TMEM132E: variants seen among roughly 807,000 people sequenced by gnomAD.
The protein encoded by TMEM132E is transmembrane protein 132E.
Under a neutral mutation model 78.5 loss-of-function variants are expected in TMEM132E, and 49 were observed. The ratio of observed to expected loss-of-function variants is 0.62; its 90% CI spans 0.50 to 0.79. The LOEUF is 0.79. Ranked by LOEUF, TMEM132E falls within the 30% of genes least tolerant of loss-of-function variation. TMEM132E has a pLI of 0.00. For missense variants in TMEM132E, 1,403 were observed against 1,470.9 expected, an observed-to-expected ratio of 0.95 and a Z score of 0.75; for synonymous variants, 715 against 670.6, an observed-to-expected ratio of 1.07 and a Z score of -1.02.
Position 34,632,900 on chromosome 17 carries a change from C to A in TMEM132E, c.1679C>A (p.Pro560His). The A allele has an allele frequency of 6.2e-7, 1 of 1,614,066 alleles. No homozygotes were observed. The highest frequency in any genetic ancestry group is 1.1e-5 in the South Asian group (1 of 91,074). ...QVKGWRVPIL[P>H]DRRSVRESED... Reference sequence around the variant, plus strand: ...AAGGGCTGGAGGGTACCTATCCTCCCCGACCGGAGGTACAGCCCCTCTCCC... The same window carrying A: ...AAGGGCTGGAGGGTACCTATCCTCCACGACCGGAGGTACAGCCCCTCTCCC... Residue 560 changes from proline (P) to histidine (H), a missense_variant, in exon 6 of 9, where the codon CCC (proline) becomes CAC (histidine). Around this residue, in one of 3 missense-constraint regions of TMEM132E, gnomAD observed 888 missense variants for 952.8 expected, o/e 0.93. Transcript: ENST00000631683.
At chr17:34,604,848 C>A (rs1906360939) in intron 1 of TMEM132E, among the ~76,000 whole-genome samples, 1 of 152,240 alleles carries the variant, frequency 6.6e-6, no homozygotes, top group Middle Eastern at 3.2e-3. Context: ...GCATTTCCTC[C>A]TCACGACAGC....
intron 1 of TMEM132E, among the ~76,000 whole-genome samples, chr17:34,582,591 A>G (rs1905532272): frequency 6.6e-6 from 1 of 150,666 alleles, no homozygotes; most frequent in Non-Finnish European, 1.5e-5. Context: ...CAGAGCAGCG[A>G]GCCAGCAGGG....
At chr17:34,612,823 T>C (rs1228600162) in intron 1 of TMEM132E, among the ~76,000 whole-genome samples, 1 of 150,850 alleles carries the variant, frequency 6.6e-6, no homozygotes, top group Non-Finnish European at 1.5e-5. Flanking sequence ...CTGTGTGTTT[T>C]GGGGAAGCCT....
chr17:34,634,182 T>G (rs1907442355), intron 6 of TMEM132E, among the ~76,000 whole-genome samples: 2 of 152,216 alleles, frequency 1.3e-5, no homozygotes, highest in African/African-American at 4.8e-5. Flanking sequence ...ACCTCTCAAT[T>G]TTAGCATTTT....
chr17:34,629,124 G>A lies in TMEM132E; in HGVS notation c.1258G>A (p.Ala420Thr), dbSNP rs200525802. ...MWHIDYRGHGALPDLERAVTE... is the reference protein window; with the variant it reads ...MWHIDYRGHGTLPDLERAVTE... ...GCACATTGACTACCGTGGCCACGGC[G>A]CCCTGCCTGACCTGGAGCGGGCAGT... Residue 420 changes from alanine to threonine, a missense_variant, in exon 4 of 9, where the codon GCC (alanine) becomes ACC (threonine). Ala to Thr is a moderately conservative substitution (Grantham distance 58). Coordinates refer to ENST00000631683, the MANE Select transcript of TMEM132E (RefSeq NM_001304438.2). 5.1e-5 allele frequency: 82 copies of A among 1,613,726 alleles called. No homozygotes were observed. The highest frequency in any genetic ancestry group is 2.0e-4 in the South Asian group (18 of 91,028).
chr17:34,594,005 C>A (rs1046469675), intron 1 of TMEM132E, among the ~76,000 whole-genome samples: 1 of 152,184 alleles, frequency 6.6e-6, no homozygotes, highest in African/African-American at 2.4e-5. Context: ...ACGATTCCCG[C>A]CTCTTACCTC....
intron 1 of TMEM132E, among the ~76,000 whole-genome samples, chr17:34,602,346 G>A (rs1251734279): frequency 6.6e-6 from 1 of 152,222 alleles, no homozygotes; most frequent in African/African-American, 2.4e-5. Flanking sequence ...CTGACACAAG[G>A]CTCTGTCCAT....
chr17:34,581,813 T>C (rs1367967918), intron 1 of TMEM132E, among the ~76,000 whole-genome samples: 3 of 149,994 alleles, frequency 2.0e-5, no homozygotes, highest in African/African-American at 7.4e-5. Flanking sequence ...CATTCTGCAA[T>C]CTGTTGCGTC....
At position 34,597,356 on chromosome 17, in the gene TMEM132E, A is replaced by C. The variant is rs564066709; in HGVS notation, c.67+16213A>C. Among the ~76,000 whole-genome samples, 6 of 152,132 alleles carry C rather than the reference A, an allele frequency of 3.9e-5. No homozygotes were observed. In the South Asian group the frequency reaches 1.0e-3, roughly 26 times the overall value. On this transcript the variant is annotated intron_variant, in intron 1 of 8. Transcript: ENST00000631683. ...GTCTAGCTTTCCTTGTTCTGCATCC[A>C]GCTCCTTTATAGAGCCTCATTTATT...
rs1407520928 is a variant in TMEM132E, at chr17:34,580,248, T to C, written c.-829T>C. 2 of 152,276 alleles carry C rather than the reference T, an allele frequency of 1.3e-5. No homozygotes were observed. Among genetic ancestry groups the C allele is most frequent in the East Asian group, 1.9e-4 (1 of 5,168 alleles). The allele number at this position is 152,276 out of a possible 1,614,324, so 9.4% of individuals were successfully genotyped here. Reference sequence around the variant, plus strand: ...CTCCCTCGCTTCTCCAAGCCCCATCTACATGGGGCAGCCCGTTCTGGCCGC... The same window carrying C: ...CTCCCTCGCTTCTCCAAGCCCCATCCACATGGGGCAGCCCGTTCTGGCCGC... On this transcript the variant is annotated 5_prime_UTR_variant, in exon 1 of 9. Transcript: ENST00000631683.
chr17:34,635,434 CA>C (rs1248093093), intron 7 of TMEM132E, among the ~76,000 whole-genome samples: 1 of 152,144 alleles, frequency 6.6e-6, no homozygotes, highest in Non-Finnish European at 1.5e-5. Context: ...TCTACCCTGA[CA>C]ATTGGGTGTC....
In TMEM132E at chr17:34,637,419, G is replaced by C. The variant is rs756928203; in HGVS notation, c.2412G>C (p.Thr804=). The C allele has an allele frequency of 2.5e-6, 4 of 1,613,582 alleles. No individual in the cohort carries two copies. The highest frequency in any genetic ancestry group is 3.4e-6 in the Non-Finnish European group (4 of 1,180,030). The change falls in exon 9 of 9, where the codon ACG becomes ACC. Residue 804 remains threonine (T), a synonymous_variant. Coordinates refer to ENST00000631683, the MANE Select transcript of TMEM132E (RefSeq NM_001304438.2). ...QKTKRKSVLA[T]TPVGLRVHFG... is the part of the protein sequence containing the mutation. ...CCAAACGCAAGAGTGTGCTCGCCAC[G>C]ACCCCTGTGGGCCTGCGGGTGCACT...
Position 34,638,172 on chromosome 17 carries a change from G to A in TMEM132E, c.3165G>A (p.Thr1055=). The change falls in exon 9 of 9, where the codon ACG becomes ACA. Residue 1055 remains threonine, a synonymous_variant. Coordinates refer to ENST00000631683, the MANE Select transcript of TMEM132E (RefSeq NM_001304438.2). ...GCTGCCCGGATGTGGCGGGCCCCAC[G>A]CGGCCCACTGCACCCCCGGACCTGC... ...GWGCPDVAGP[T]RPTAPPDLHN... is the part of the protein sequence containing the mutation. The A allele has an allele frequency of 6.2e-7, 1 of 1,602,638 alleles. No individual in the cohort carries two copies. Among genetic ancestry groups the A allele is most frequent in the Non-Finnish European group, 8.5e-7 (1 of 1,175,756 alleles).
chr17:34,632,218 G>A (rs562902882), intron 5 of TMEM132E, among the ~76,000 whole-genome samples: 11 of 152,316 alleles, frequency 7.2e-5, no homozygotes, highest in South Asian at 2.1e-4. Context: ...CAGAGAGGCC[G>A]TGGAGGACAT....
At position 34,626,704 on chromosome 17, in the gene TMEM132E, C is replaced by G. The variant is rs1907146449; in HGVS notation, c.645C>G (p.Ser215=). ...PAAPPTARRK[S]PDGLEPEATG... is the part of the protein sequence containing the mutation. ...CGCCACCCACGGCCCGCCGCAAGTC[C>G]CCGGACGGGCTGGAGCCCGAGGCGA... is the stretch of plus-strand genomic sequence containing the variant. Residue 215 remains serine, a synonymous_variant, in exon 2 of 9, where the codon TCC becomes TCG. Transcript: ENST00000631683. 3.6e-6 allele frequency: 5 copies of G among 1,386,364 alleles called. No individual in the cohort carries two copies. The highest frequency in any genetic ancestry group is 4.7e-6 in the Non-Finnish European group (5 of 1,058,946). 85.9% of individuals were successfully genotyped at this position (1,386,364 alleles called of 1,614,324 possible).
At position 34,592,223 on chromosome 17, in the gene TMEM132E, C is replaced by T. The variant is rs552072579; in HGVS notation, c.67+11080C>T. Reference sequence around the variant, plus strand: ...CCACCCTTCCTCCCTCCCCACTTTCCTTCCCAGGAAAGCAGTCACAGGCAT... The same window carrying T: ...CCACCCTTCCTCCCTCCCCACTTTCTTTCCCAGGAAAGCAGTCACAGGCAT... On this transcript the variant is annotated intron_variant, in intron 1 of 8. Coordinates refer to ENST00000631683, the MANE Select transcript of TMEM132E (RefSeq NM_001304438.2). Among the ~76,000 whole-genome samples the T allele has an allele frequency of 2.6e-5, 4 of 152,118 alleles. No homozygotes were observed. In the East Asian group the frequency reaches 7.7e-4, roughly 29 times the overall value.
intron 1 of TMEM132E, among the ~76,000 whole-genome samples, chr17:34,596,434 CT>C (rs1193996157): frequency 6.6e-6 from 1 of 152,178 alleles, no homozygotes; most frequent in Non-Finnish European, 1.5e-5. Flanking sequence ...TCTACTCCCC[CT>C]GGGCCCTAAT....
chr17:34,620,164 G>A (rs1436490876), intron 1 of TMEM132E, among the ~76,000 whole-genome samples: 5 of 152,204 alleles, frequency 3.3e-5, no homozygotes, highest in Non-Finnish European at 2.9e-5. Context: ...CAATAAGGTA[G>A]GGGCTGGCCT....
At chr17:34,582,204 G>A (rs1309397373) in intron 1 of TMEM132E, among the ~76,000 whole-genome samples, 4 of 151,494 alleles carry the variant, frequency 2.6e-5, no homozygotes, top group Non-Finnish European at 4.4e-5. Flanking sequence ...TGAGCCTCAG[G>A]CAGAATGGAG....
Sources: allele counts gnomAD v4.1 joint callset (sites outside exome capture counted in the v4.1 genomes callset), GRCh38; gene constraint gnomAD v4.1.1; regional missense constraint gnomAD v4.1.1; transcripts MANE v1.5; gene names NCBI Gene and HGNC (gene_info 2026-07-23, HGNC 2026-07-21).